ALOX12B: variants seen among roughly 807,000 people sequenced by gnomAD.
The protein encoded by ALOX12B is arachidonate 12-lipoxygenase, 12R-type.
Under a neutral mutation model 78.9 loss-of-function variants are expected in ALOX12B, and 47 were observed. The ratio of observed to expected loss-of-function variants is 0.60; its 90% CI spans 0.47 to 0.76. ALOX12B has a LOEUF of 0.76. Among genes scored for constraint, ALOX12B ranks in the 30% least tolerant of loss-of-function variants. The pLI, the probability that ALOX12B is intolerant of heterozygous loss-of-function variation, is 0.00. For missense variants in ALOX12B, 805 were observed against 922.6 expected, an observed-to-expected ratio of 0.87 and a Z score of 1.65; for synonymous variants, 370 against 374.5, an observed-to-expected ratio of 0.99 and a Z score of 0.14.
Position 8,079,818 on chromosome 17 carries a change from A to G in ALOX12B, c.878T>C (p.Met293Thr). The G allele has an allele frequency of 1.2e-6, 2 of 1,613,460 alleles. No individual in the cohort carries two copies. The highest frequency in any genetic ancestry group is 1.7e-6 in the Non-Finnish European group (2 of 1,179,934). Residue 293 changes from methionine to threonine, a missense_variant, in exon 7 of 15, where the codon ATG (methionine) becomes ACG (threonine). Met to Thr is a moderately conservative substitution (Grantham distance 81). Transcript: ENST00000647874. The surrounding 1 kb of genome is among the most constrained non-coding windows in gnomAD (Gnocchi z 6.4). ...IPDKFPVTDDMVAPFLGEGTC... is the reference protein window; with the variant it reads ...IPDKFPVTDDTVAPFLGEGTC... ...TCCCTCGCCCAGGAACGGAGCCACC[A>G]TGTCGTCTGTGACGGGGAACTTGTC...
Position 8,083,374 on chromosome 17 carries a change from G to T in ALOX12B, c.353-2187C>A, listed in dbSNP as rs112579513. 2.6e-3 allele frequency among the ~76,000 whole-genome samples: 390 copies of T among 152,264 alleles called. 5 individuals carry two copies. The highest frequency in any genetic ancestry group is 8.7e-3 in the African/African-American group (361 of 41,548). On this transcript the variant is annotated intron_variant, in intron 2 of 14. Coordinates refer to ENST00000647874, the MANE Select transcript of ALOX12B (RefSeq NM_001139.3). ...CAGTCGCTATTATGTATTACGTGGGGACAAGGCTGGATTTGCCCCGTAGTG... is the reference window on the plus strand; with the variant it reads ...CAGTCGCTATTATGTATTACGTGGGTACAAGGCTGGATTTGCCCCGTAGTG...
rs1413243048 is a variant in ALOX12B at position 8,080,838 on chromosome 17, C to G, written c.527+46G>C. On this transcript the variant is annotated intron_variant, in intron 4 of 14. Transcript: ENST00000647874. The surrounding 1 kb of genome is among the most constrained non-coding windows in gnomAD (Gnocchi z 4.8). ...AGGGGGCGGGGAGGAGGCAGGCGCC[C>G]AGGGGAAAACCATGGGCGGGGCCCA... The G allele has an allele frequency of 6.2e-7, 1 of 1,613,910 alleles. No homozygotes were observed. Among genetic ancestry groups the G allele is most frequent in the East Asian group, 2.2e-5 (1 of 44,860 alleles).
At chr17:8,073,025 T>C (rs1259500877) in intron 14 of ALOX12B, 75 bp from the exon 15 acceptor site, 2 of 1,596,832 alleles carry the variant, frequency 1.3e-6, no homozygotes, top group African/African-American at 2.7e-5. Flanking sequence ...CCCTGGCCCC[T>C]CCACCCTTTG....
Position 8,075,664 on chromosome 17 carries a change from C to A in ALOX12B, c.1585G>T (p.Gly529Cys), listed in dbSNP as rs772398163. The A allele has an allele frequency of 1.2e-6, 2 of 1,614,040 alleles. No individual in the cohort carries two copies. The highest frequency in any genetic ancestry group is 2.7e-5 in the African/African-American group (2 of 74,898). ...ACCCAAGACTGCAATTCCGGATCAC[C>A]CTCCACGGCTGCGTCACTCGGGTAA... The part of the protein sequence containing the change: ...YYYPSDAAVE[G>C]DPELQSWVQE... The change falls in exon 12 of 15, where the codon GGT (glycine) becomes TGT (cysteine). Residue 529 changes from glycine (G) to cysteine (C), a missense_variant. By Grantham distance (159) the Gly-to-Cys change is radical. Coordinates refer to ENST00000647874, the MANE Select transcript of ALOX12B (RefSeq NM_001139.3).
At chr17:8,084,994 A>G (rs372049020) in intron 2 of ALOX12B, among the ~76,000 whole-genome samples, 2 of 152,312 alleles carry the variant, frequency 1.3e-5, no homozygotes, top group African/African-American at 4.8e-5. Context: ...TGGAAAACCC[A>G]CTGGGCAGCC....
intron 2 of ALOX12B, among the ~76,000 whole-genome samples, chr17:8,084,106 C>T (rs1296380523): frequency 2.6e-5 from 4 of 151,478 alleles, no homozygotes; most frequent in East Asian, 2.0e-4. Context: ...TGCAGTGAGC[C>T]GAGATTGCGC....
At chr17:8,085,967 A>T in intron 2 of ALOX12B, 49 bp downstream of exon 2, 1 of 1,602,494 alleles carries the variant, frequency 6.2e-7, no homozygotes, top group Non-Finnish European at 8.5e-7. Context: ...AGCAGGCTGG[A>T]GCTAGAGGCC....
intron 14 of ALOX12B, 65 bp downstream of exon 14, chr17:8,073,083 A>T: frequency 1.2e-6 from 2 of 1,610,454 alleles, no homozygotes; most frequent in Admixed American, 1.7e-5. Flanking sequence ...GCCGCTAGTT[A>T]TCCTCCCCCA....
At chr17:8,075,552 CA>C (rs1977060210) in intron 12 of ALOX12B, 42 bp downstream of exon 12, 1 of 1,613,080 alleles carries the variant, frequency 6.2e-7, no homozygotes, top group African/African-American at 1.3e-5. Context: ...GGCTGCCCCT[CA>C]GTCCCAGCTC....
intron 2 of ALOX12B, among the ~76,000 whole-genome samples, chr17:8,084,375 C>T (rs1239332424): frequency 6.6e-6 from 1 of 152,164 alleles, no homozygotes; most frequent in Non-Finnish European, 1.5e-5. Flanking sequence ...AACAGTGCTC[C>T]CTGGAGTTGT....
rs764911784 is a variant in ALOX12B, at chr17:8,080,850, A to G, written c.527+34T>C. The G allele has an allele frequency of 8.1e-6, 13 of 1,613,614 alleles. No homozygotes were observed. The highest frequency in any genetic ancestry group is 1.1e-5 in the Non-Finnish European group (13 of 1,179,830). On this transcript the variant is annotated intron_variant, in intron 4 of 14. Transcript: ENST00000647874. The surrounding 1 kb of genome is among the most constrained non-coding windows in gnomAD (Gnocchi z 4.8). ...GGAGGCAGGCGCCCAGGGGAAAACCATGGGCGGGGCCCAGCACAGCTTCGG... is the reference window on the plus strand; with the variant it reads ...GGAGGCAGGCGCCCAGGGGAAAACCGTGGGCGGGGCCCAGCACAGCTTCGG...
chr17:8,081,651 A>T (rs1567983863), intron 2 of ALOX12B: 1 of 176,462 alleles, frequency 5.7e-6, no homozygotes, highest in Non-Finnish European at 1.2e-5. Flanking sequence ...ATGTGTACAC[A>T]TTTTTTTTTT....
rs1978307452 is a variant in ALOX12B, at chr17:8,087,657, C to T, written c.-215G>A. 2 of 728,018 alleles carry T rather than the reference C, an allele frequency of 2.7e-6. No homozygotes were observed. The highest frequency in any genetic ancestry group is 2.8e-5 in the East Asian group (1 of 36,010). The allele number at this position is 728,018 out of a possible 1,614,324, so 45.1% of individuals were successfully genotyped here. ...CTTGGTGGCCGGGGTGGGTGCCGGGCAGGCCCAGGCGGAGCCCAGCTGGTG... is the reference window on the plus strand; with the variant it reads ...CTTGGTGGCCGGGGTGGGTGCCGGGTAGGCCCAGGCGGAGCCCAGCTGGTG... On this transcript the variant is annotated 5_prime_UTR_variant, in exon 1 of 15. Transcript: ENST00000647874.
At chr17:8,077,243 C>A (rs1977107277) in intron 8 of ALOX12B, 50 bp from the exon 9 acceptor site, 1 of 1,540,664 alleles carries the variant, frequency 6.5e-7, no homozygotes, top group South Asian at 1.2e-5. Flanking sequence ...GACCCACACA[C>A]ATAAAGGCCC....
At chr17:8,078,299 CG>C (rs1977131904) in intron 8 of ALOX12B, among the ~76,000 whole-genome samples, 1 of 151,328 alleles carries the variant, frequency 6.6e-6, no homozygotes. Context: ...GCGCCGCCCC[CG>C]ACCATGCCCA....
chr17:8,075,585 A>G lies in ALOX12B; in HGVS notation c.1654+10T>C, dbSNP rs1977061085. 3 of 1,614,002 alleles carry G rather than the reference A, an allele frequency of 1.9e-6. No homozygotes were observed. The highest frequency in any genetic ancestry group is 2.5e-6 in the Non-Finnish European group (3 of 1,180,004). On this transcript the variant is annotated intron_variant, in intron 12 of 14. Coordinates refer to ENST00000647874, the MANE Select transcript of ALOX12B (RefSeq NM_001139.3). ...GCTCCCCCTGATTGCCCAGGTGTCC[A>G]GGCCCATACCTGAGCTCTCCCGCCC...
rs1028434703 is a variant in ALOX12B, at chr17:8,076,421, G to A, written c.1363-77C>T. 2.9e-5 allele frequency: 44 copies of A among 1,523,658 alleles called. No individual in the cohort carries two copies. In the East Asian group the frequency reaches 4.2e-4, roughly 14 times the overall value. 94.4% of individuals were successfully genotyped at this position (1,523,658 alleles called of 1,614,324 possible). ...TTCAGGTCCTCTAGGATCCCAGTAAGTGCCCCTGTAACCCCTGACCCAGCC... is the reference window on the plus strand; with the variant it reads ...TTCAGGTCCTCTAGGATCCCAGTAAATGCCCCTGTAACCCCTGACCCAGCC... On this transcript the variant is annotated intron_variant, in intron 10 of 14. Coordinates refer to ENST00000647874, the MANE Select transcript of ALOX12B (RefSeq NM_001139.3).
In ALOX12B at chr17:8,073,255, T is replaced by C; in HGVS notation, c.1819A>G (p.Lys607Glu). Residue 607 changes from lysine to glutamate, a missense_variant, in exon 14 of 15, where the codon AAG becomes GAG. Physicochemically the swap from Lys to Glu is moderately conservative, Grantham distance 56. Coordinates refer to ENST00000647874, the MANE Select transcript of ALOX12B (RefSeq NM_001139.3). ...ASMRNPPIQT[K>E]GLTTLETFMD... The stretch of plus-strand genomic sequence containing the variant: ...AAGGTCTCCAGAGTGGTCAGCCCCT[T>C]AGTCTGAATCGGTGGATTCCGCATG... The C allele has an allele frequency of 6.2e-7, 1 of 1,614,146 alleles. No individual in the cohort carries two copies. The highest frequency in any genetic ancestry group is 8.5e-7 in the Non-Finnish European group (1 of 1,180,018).
chr17:8,080,660 G>A lies in ALOX12B; in HGVS notation c.648C>T (p.Pro216=). ...KTASFFVRLG[P]MALAFKVRGL... ...TCCCGTCACTCACACGGACTCACAT[G>A]GGCCCCAGGCGGACGAAGAAGGAGG... Residue 216 remains proline (P), a splice_region_variant and synonymous_variant, in exon 5 of 15, where the codon CCC becomes CCT. Transcript: ENST00000647874. The surrounding 1 kb of genome is among the most constrained non-coding windows in gnomAD (Gnocchi z 4.8). 6.2e-7 allele frequency: 1 copy of A among 1,614,146 alleles called. No homozygotes were observed. Among genetic ancestry groups the A allele is most frequent in the Non-Finnish European group, 8.5e-7 (1 of 1,180,016 alleles).
Sources: gnomAD v4.1 joint callset for allele counts (sites outside exome capture counted in the v4.1 genomes callset) on GRCh38, gnomAD v4.1.1 for gene constraint, Gnocchi (gnomAD v3.1) non-coding constraint, MANE v1.5 for transcripts, NCBI Gene and HGNC (gene_info 2026-07-23, HGNC 2026-07-21) for gene names.